Variants in CSMD1 observed in about 807,000 individuals in gnomAD.
CSMD1 encodes the protein CUB and Sushi multiple domains 1, also known as CUB and sushi domain-containing protein 1.
A neutral mutation model predicts 417.5 loss-of-function variants in CSMD1; 213 were observed. The observed-to-expected ratio is 0.51, with a 90% CI of 0.46 to 0.57. The LOEUF (loss-of-function observed/expected upper bound fraction) is 0.57, where lower values mean the gene tolerates loss of function less well. Among genes scored for constraint, CSMD1 ranks in the 20% least tolerant of loss-of-function variants. The pLI is 0.00. For missense variants in CSMD1, 6,923 were observed against 4,529.7 expected, an observed-to-expected ratio of 1.53 and a Z score of -15.17; for synonymous variants, 2,862 against 1,736.8, an observed-to-expected ratio of 1.65 and a Z score of -16.11.
At chr8:4,261,444 A>C (rs1439768386) in intron 3 of CSMD1, among the ~76,000 whole-genome samples, 1 of 152,230 alleles carries the variant, frequency 6.6e-6, no homozygotes, top group African/African-American at 2.4e-5. Context: ...CAAAGTTTAC[A>C]AACTTCCAGT....
intron 12 of CSMD1, among the ~76,000 whole-genome samples, chr8:3,440,644 A>C (rs918454869): frequency 6.6e-6 from 1 of 152,138 alleles, no homozygotes; most frequent in Admixed American, 6.6e-5. Flanking sequence ...TGTTTCTCTT[A>C]TCCTTGCAAT....
intron 1 of CSMD1, among the ~76,000 whole-genome samples, chr8:4,765,976 T>TA (rs1053603433): frequency 6.6e-6 from 1 of 152,170 alleles, no homozygotes; most frequent in Non-Finnish European, 1.5e-5. Context: ...ATGTAAAGAT[T>TA]AAAAAATGTA....
chr8:4,154,361 C>T (rs1294886491), intron 3 of CSMD1, among the ~76,000 whole-genome samples: 1 of 152,134 alleles, frequency 6.6e-6, no homozygotes, highest in East Asian at 1.9e-4. Flanking sequence ...AGCAAATGTC[C>T]ATGTTTTGTG....
At chr8:3,443,741 G>A (rs1251675379) in intron 12 of CSMD1, among the ~76,000 whole-genome samples, 1 of 152,144 alleles carries the variant, frequency 6.6e-6, no homozygotes, top group Non-Finnish European at 1.5e-5. Flanking sequence ...ATCTAGCAAT[G>A]GACAGCTTTA....
At chr8:4,726,175 G>A (rs563493607) in intron 1 of CSMD1, among the ~76,000 whole-genome samples, 1 of 152,018 alleles carries the variant, frequency 6.6e-6, no homozygotes, top group African/African-American at 2.4e-5. Flanking sequence ...ACCTACAGTT[G>A]GTTGTATTAC....
chr8:4,484,999 AAAAAAAAAAAAAAAAAAAAAAG>A (rs2130159484), intron 2 of CSMD1, among the ~76,000 whole-genome samples: 2 of 137,814 alleles, frequency 1.5e-5, no homozygotes, highest in Non-Finnish European at 3.0e-5. Flanking sequence ...AAAAAAAAAA[AAAAAAAAAAAAAAAAAAAAAAG>A]AAAGAGTCAC....
chr8:3,430,586 C>A (rs767259861), intron 12 of CSMD1, among the ~76,000 whole-genome samples: 2 of 152,126 alleles, frequency 1.3e-5, no homozygotes, highest in Non-Finnish European at 2.9e-5. Flanking sequence ...GCGGGTGGAT[C>A]ATTTGAGGTC....
chr8:3,091,959 G>A (rs1203749616), intron 47 of CSMD1, among the ~76,000 whole-genome samples: 1 of 152,050 alleles, frequency 6.6e-6, no homozygotes, highest in Admixed American at 6.5e-5. Context: ...ATGTATTGTT[G>A]TTAGTATTTA....
intron 12 of CSMD1, among the ~76,000 whole-genome samples, chr8:3,441,987 G>A (rs938833813): frequency 2.0e-5 from 3 of 151,760 alleles, no homozygotes; most frequent in Non-Finnish European, 1.5e-5. Flanking sequence ...ATGTGGAGGC[G>A]GAAGACAGTG....
In CSMD1 at chr8:3,125,436, T is replaced by C. The variant is rs564199296; in HGVS notation, c.6242-6849A>G. On this transcript the variant is annotated intron_variant, in intron 41 of 69. Transcript: ENST00000635120. ...CCCTCATAAATGGGTTGTAAACATA[T>C]AAAAAGTTTTAATTTAAGAAAGAAA... Among the ~76,000 whole-genome samples the C allele has an allele frequency of 3.2e-3, 481 of 152,226 alleles. 2 individuals are homozygous for C. The highest frequency in any genetic ancestry group is 0.011 in the African/African-American group (466 of 41,532).
intron 1 of CSMD1, among the ~76,000 whole-genome samples, chr8:4,692,524 G>C (rs578060934): frequency 6.6e-6 from 1 of 152,110 alleles, no homozygotes; most frequent in Non-Finnish European, 1.5e-5. Context: ...TAATGTCTGA[G>C]TTAAGGAACA....
intron 8 of CSMD1, chr8:3,613,336 G>A (rs1584961551): frequency 4.9e-6 from 2 of 406,458 alleles, no homozygotes; most frequent in East Asian, 8.2e-5. Context: ...CAAACATTTA[G>A]CAATGAAATA....
chr8:4,546,957 T>C (rs570781903), intron 2 of CSMD1, among the ~76,000 whole-genome samples: 35 of 152,266 alleles, frequency 2.3e-4, no homozygotes, highest in Admixed American at 2.2e-3. Context: ...GATAGCCTCA[T>C]TCACGTACAT....
chr8:4,946,747 A>G (rs1808395758), intron 1 of CSMD1, among the ~76,000 whole-genome samples: 1 of 152,232 alleles, frequency 6.6e-6, no homozygotes, highest in South Asian at 2.1e-4. Context: ...CAGCATCAGT[A>G]GGTTCAGTTA....
intron 4 of CSMD1, among the ~76,000 whole-genome samples, chr8:4,019,882 G>A (rs1010229633): frequency 6.8e-6 from 1 of 146,446 alleles, no homozygotes; most frequent in Admixed American, 6.9e-5. Context: ...CAGTCTGCTA[G>A]TTTCTTATTC....
chr8:4,047,962 C>G (rs371492907), intron 3 of CSMD1, among the ~76,000 whole-genome samples: 4 of 152,010 alleles, frequency 2.6e-5, no homozygotes, highest in African/African-American at 9.7e-5. Context: ...ATGTTGAGTC[C>G]TTAGGCCTTG....
At chr8:4,496,447 C>T (rs986946944) in intron 2 of CSMD1, among the ~76,000 whole-genome samples, 2 of 152,130 alleles carry the variant, frequency 1.3e-5, no homozygotes, top group African/African-American at 4.8e-5. Flanking sequence ...CCTGGACATT[C>T]TATGGAAGGC....
chr8:4,981,049 G>C (rs1810862035), intron 1 of CSMD1, among the ~76,000 whole-genome samples: 1 of 152,142 alleles, frequency 6.6e-6, no homozygotes, highest in Non-Finnish European at 1.5e-5. Flanking sequence ...AACCAAACAA[G>C]ATTCAAGCGT....
intron 3 of CSMD1, among the ~76,000 whole-genome samples, chr8:4,063,857 T>C (rs1291553253): frequency 6.6e-6 from 1 of 152,236 alleles, no homozygotes; most frequent in Non-Finnish European, 1.5e-5. Flanking sequence ...ACTATGACTT[T>C]GTCACATCAG....
Sources: gnomAD v4.1 joint callset for allele counts (sites outside exome capture counted in the v4.1 genomes callset) on GRCh38, gnomAD v4.1.1 for gene constraint, MANE v1.5 for transcripts, NCBI Gene and HGNC (gene_info 2026-07-23, HGNC 2026-07-21) for gene names.